NOL4: variants seen among roughly 807,000 people sequenced by gnomAD.
The protein encoded by NOL4 is nucleolar protein 4.
A neutral mutation model predicts 75.9 loss-of-function variants in NOL4; 17 were observed. The ratio of observed to expected loss-of-function variants is 0.22; its 90% CI spans 0.15 to 0.34. The LOEUF (loss-of-function observed/expected upper bound fraction) is 0.34. Ranked by LOEUF, NOL4 falls within the 10% of genes least tolerant of loss-of-function variation. NOL4 has a pLI of 1.00. For missense variants in NOL4, 614 were observed against 793.5 expected (o/e 0.77, Z 2.72); for synonymous variants, 292 against 289.9 (o/e 1.01, Z -0.07).
intron 2 of NOL4, among the ~76,000 whole-genome samples, chr18:34,121,911 G>C (rs1363532821): frequency 6.6e-6 from 1 of 152,108 alleles, no homozygotes; most frequent in East Asian, 1.9e-4. Context: ...TGGAGTACTT[G>C]GGACAATGCC....
intron 2 of NOL4, among the ~76,000 whole-genome samples, chr18:34,108,087 C>T (rs2079397857): frequency 6.6e-6 from 1 of 152,152 alleles, no homozygotes; most frequent in African/African-American, 2.4e-5. Flanking sequence ...CTCCATTACA[C>T]TCGAGGCACC....
Position 33,958,259 on chromosome 18 carries a change from C to T in NOL4, c.1216G>A (p.Glu406Lys). ...KVNETDGVEA[E>K]RLKAFNMFVR... ...CTCACATTAAAAGCTTTCAGCCGCT[C>T]GGCTTCAACGCCGTCTGTCTCATTA... The change falls in exon 7 of 11, where the codon GAG (glutamate) becomes AAG (lysine). Residue 406 changes from glutamate (E) to lysine (K), a missense_variant. Around this residue, in one of 9 missense-constraint regions of NOL4, gnomAD observed 196 missense variants for 167.9 expected, o/e 1.17. Transcript: ENST00000261592. 6.2e-7 allele frequency: 1 copy of T among 1,613,294 alleles called. No individual in the cohort carries two copies. Among genetic ancestry groups the T allele is most frequent in the Non-Finnish European group, 8.5e-7 (1 of 1,179,502 alleles).
chr18:33,872,079 A>G (rs1475769016), intron 10 of NOL4, among the ~76,000 whole-genome samples: 1 of 152,098 alleles, frequency 6.6e-6, no homozygotes, highest in African/African-American at 2.4e-5. Flanking sequence ...ATATCTTTAT[A>G]AATAATTCAC....
intron 9 of NOL4, among the ~76,000 whole-genome samples, chr18:33,923,709 G>T (rs896936553): frequency 2.6e-5 from 4 of 151,880 alleles, no homozygotes; most frequent in Admixed American, 6.6e-5. Flanking sequence ...ACTTCAAATC[G>T]TTATCTTTTG....
intron 9 of NOL4, among the ~76,000 whole-genome samples, chr18:33,935,689 G>C (rs1040011409): frequency 6.6e-6 from 1 of 152,120 alleles, no homozygotes; most frequent in East Asian, 1.9e-4. Flanking sequence ...TTGCTCACAA[G>C]ATTGTCACAA....
chr18:33,946,312 T>C (rs2068831479), intron 8 of NOL4, among the ~76,000 whole-genome samples: 1 of 151,752 alleles, frequency 6.6e-6, no homozygotes, highest in African/African-American at 2.4e-5. Context: ...CTAACTCTTA[T>C]TGAGTGCTTA....
At chr18:34,138,496 G>C (rs2080995453) in intron 1 of NOL4, among the ~76,000 whole-genome samples, 2 of 152,126 alleles carry the variant, frequency 1.3e-5, no homozygotes, top group Admixed American at 1.3e-4. Context: ...TAGCCACAAA[G>C]TATCTTTTAG....
chr18:33,853,104 C>T (rs1432942258), intron 10 of NOL4, 69 bp from the exon 11 acceptor site: 3 of 1,310,758 alleles, frequency 2.3e-6, no homozygotes, highest in Non-Finnish European at 3.1e-6. Context: ...TGTGAGCATT[C>T]AATAAATTAT....
At chr18:34,117,532 A>G (rs2079917052) in intron 2 of NOL4, among the ~76,000 whole-genome samples, 1 of 152,220 alleles carries the variant, frequency 6.6e-6, no homozygotes, top group Non-Finnish European at 1.5e-5. Context: ...AGGGTCAGTC[A>G]AGCACTCTGT....
intron 5 of NOL4, among the ~76,000 whole-genome samples, chr18:34,053,404 A>T (rs1194679257): frequency 2.0e-5 from 3 of 152,024 alleles, no homozygotes; most frequent in Non-Finnish European, 2.9e-5. Flanking sequence ...GGAGTCCTGG[A>T]TCTCAGCTGG....
At position 33,864,522 on chromosome 18, in the gene NOL4, G is replaced by A. The variant is rs564504306; in HGVS notation, c.1724-11487C>T. Among the ~76,000 whole-genome samples, 189 of 152,086 alleles carry A rather than the reference G, an allele frequency of 1.2e-3. No individual in the cohort carries two copies. The South Asian group carries it at 0.016, about 13-fold the overall frequency. On this transcript the variant is annotated intron_variant, in intron 10 of 10. Transcript: ENST00000261592. ...CAACCTGGACTTCATTATCCACATC[G>A]TTATCAGCATTTTGGTCAAAACCAT...
intron 5 of NOL4, among the ~76,000 whole-genome samples, chr18:34,047,820 G>C (rs1209935994): frequency 2.0e-5 from 3 of 152,156 alleles, no homozygotes; most frequent in East Asian, 3.9e-4. Context: ...AAATCCATCT[G>C]AGGCGATCAA....
At chr18:34,174,286 C>G (rs1477360251) in intron 1 of NOL4, among the ~76,000 whole-genome samples, 1 of 128,016 alleles carries the variant, frequency 7.8e-6, no homozygotes, top group Non-Finnish European at 1.6e-5. Context: ...AGAGAAAGAA[C>G]CTCTGAAAAT....
At chr18:34,008,359 T>TTCTA (rs1359371454) in intron 6 of NOL4, among the ~76,000 whole-genome samples, 1 of 128,288 alleles carries the variant, frequency 7.8e-6, no homozygotes, top group Non-Finnish European at 1.6e-5. Context: ...ACATATCACT[T>TTCTA]TCTATCTGTC....
At chr18:33,940,342 C>T (rs1275757774) in intron 9 of NOL4, among the ~76,000 whole-genome samples, 1 of 152,040 alleles carries the variant, frequency 6.6e-6, no homozygotes, top group Admixed American at 6.6e-5. Context: ...AAATGTGGCA[C>T]ATATACACCA....
chr18:34,087,069 C>T (rs1224037113), intron 5 of NOL4, among the ~76,000 whole-genome samples: 1 of 152,050 alleles, frequency 6.6e-6, no homozygotes, highest in Non-Finnish European at 1.5e-5. Context: ...TTTGGCACTC[C>T]AGAACAGCTA....
chr18:34,017,357 T>A (rs997785428), intron 6 of NOL4, among the ~76,000 whole-genome samples: 2 of 152,140 alleles, frequency 1.3e-5, no homozygotes, highest in Non-Finnish European at 2.9e-5. Context: ...CCAAGTATTT[T>A]TAATTGCATA....
chr18:34,159,574 TTGAGAGTC>T, intron 1 of NOL4, among the ~76,000 whole-genome samples: 1 of 152,106 alleles, frequency 6.6e-6, no homozygotes, highest in East Asian at 2.0e-4. Context: ...TTCCAAGAGC[TTGAGAGTC>T]CCCTAGAGAG....
At chr18:33,888,778 A>G (rs2064920387) in intron 9 of NOL4, among the ~76,000 whole-genome samples, 1 of 151,898 alleles carries the variant, frequency 6.6e-6, no homozygotes, top group Non-Finnish European at 1.5e-5. Flanking sequence ...CTTTGTCCAT[A>G]TATCTGTTTT....
Sources: gnomAD v4.1 joint callset for allele counts (sites outside exome capture counted in the v4.1 genomes callset) on GRCh38, gnomAD v4.1.1 for gene constraint, gnomAD v4.1.1 regional missense constraint, MANE v1.5 for transcripts, NCBI Gene and HGNC (gene_info 2026-07-23, HGNC 2026-07-21) for gene names.